DOCK3: variants seen among roughly 807,000 people sequenced by gnomAD.
DOCK3 encodes dedicator of cytokinesis 3, also known as dedicator of cytokinesis protein 3.
DOCK3 carries 60 observed loss-of-function variants against 265.6 expected under a neutral mutation model. The observed-to-expected ratio is 0.23, with a 90% CI of 0.18 to 0.28. The LOEUF (loss-of-function observed/expected upper bound fraction) is 0.28. DOCK3 is among the 10% of genes least tolerant of loss of function. DOCK3 has a pLI of 1.00. For synonymous variants in DOCK3, 881 were observed against 938.0 expected, an observed-to-expected ratio of 0.94 and a Z score of 1.11; for missense variants, 1,981 against 2,594.3, an observed-to-expected ratio of 0.76 and a Z score of 5.14.
At chr3:51,296,458 A>G (rs2082082617) in intron 27 of DOCK3, among the ~76,000 whole-genome samples, 1 of 152,120 alleles carries the variant, frequency 6.6e-6, no homozygotes. Flanking sequence ...AGAGTCCAAA[A>G]ATAAACTCTT....
At chr3:51,182,488 C>T (rs2087357924) in intron 12 of DOCK3, among the ~76,000 whole-genome samples, 1 of 152,174 alleles carries the variant, frequency 6.6e-6, no homozygotes, top group Non-Finnish European at 1.5e-5. Context: ...CCAGAGAGGA[C>T]CTCCTGCCAT....
intron 5 of DOCK3, among the ~76,000 whole-genome samples, chr3:50,939,199 A>G (rs890818463): frequency 3.9e-5 from 6 of 152,148 alleles, no homozygotes; most frequent in Non-Finnish European, 8.8e-5. Context: ...CTAGAAAACC[A>G]TAAATTGTCA....
chr3:51,082,836 G>A (rs1322341701), intron 7 of DOCK3, among the ~76,000 whole-genome samples: 2 of 152,070 alleles, frequency 1.3e-5, no homozygotes, highest in East Asian at 3.9e-4. Context: ...TAGGTCTGTG[G>A]GTAGGCCCAC....
At chr3:51,244,065 A>G (rs2078722765) in intron 21 of DOCK3, among the ~76,000 whole-genome samples, 1 of 152,186 alleles carries the variant, frequency 6.6e-6, no homozygotes, top group Non-Finnish European at 1.5e-5. Context: ...ATTGTTTTAT[A>G]AATATGTCTT....
At chr3:51,334,231 C>T (rs1264841540) in intron 35 of DOCK3, among the ~76,000 whole-genome samples, 1 of 152,214 alleles carries the variant, frequency 6.6e-6, no homozygotes. Context: ...GAAGCCACAA[C>T]TGCAGCCTTA....
chr3:51,309,007 C>A (rs1304793310), intron 27 of DOCK3, among the ~76,000 whole-genome samples: 5 of 151,306 alleles, frequency 3.3e-5, no homozygotes, highest in Admixed American at 6.6e-5. Flanking sequence ...CAGAGGCGCT[C>A]CCCACATCTC....
At chr3:51,358,374 A>G (rs1464265226) in intron 46 of DOCK3, among the ~76,000 whole-genome samples, 1 of 152,160 alleles carries the variant, frequency 6.6e-6, no homozygotes, top group Non-Finnish European at 1.5e-5. Context: ...GAAGGAAGAG[A>G]GCTAACATAT....
At chr3:51,164,754 T>C (rs187699089) in intron 12 of DOCK3, among the ~76,000 whole-genome samples, 1 of 152,046 alleles carries the variant, frequency 6.6e-6, no homozygotes, top group East Asian at 1.9e-4. Context: ...AGAAATAAAC[T>C]TCTTTTAATT....
rs748598302 is a variant in DOCK3 at position 51,239,566 on chromosome 3, G to GT, written c.2102+1979dup. 3.4e-5 allele frequency among the ~76,000 whole-genome samples: 4 copies of GT among 118,896 alleles called. No individual in the cohort carries two copies. In the South Asian group the frequency reaches 9.5e-4, roughly 28 times the overall value. 78.0% of individuals were successfully genotyped at this position (118,896 alleles called of 152,430 possible). A position where few individuals can be genotyped will look rare whatever the true frequency, so the allele number is the denominator to read the frequency against. ...CTGTCTGGTCCTGGGTTTTTTTTTT[G>GT]TTTGTTTGTTTTTTGTTTTTTTTGT... On this transcript the variant is annotated intron_variant, in intron 21 of 52. Coordinates refer to ENST00000266037, the MANE Select transcript of DOCK3 (RefSeq NM_004947.5).
chr3:51,079,236 A>G (rs2082146766), intron 7 of DOCK3, among the ~76,000 whole-genome samples: 2 of 152,200 alleles, frequency 1.3e-5, no homozygotes, highest in South Asian at 4.1e-4. Context: ...TTTTAAATAA[A>G]AAATGAAGCC....
chr3:51,355,968 A>T, intron 41 of DOCK3, 121 bp from the exon 42 acceptor site: 2 of 1,267,386 alleles, frequency 1.6e-6, no homozygotes, highest in Non-Finnish European at 2.2e-6. Context: ...TGCCTCCCCT[A>T]CTGGGCTGTC....
At chr3:51,235,763 AAAC>A (rs1192591646) in intron 19 of DOCK3, among the ~76,000 whole-genome samples, 1 of 152,222 alleles carries the variant, frequency 6.6e-6, no homozygotes, top group Non-Finnish European at 1.5e-5. Flanking sequence ...GCACATGTTG[AAAC>A]AACAACAAAA....
chr3:51,318,410 A>G (rs898911033), intron 32 of DOCK3, among the ~76,000 whole-genome samples: 4 of 152,098 alleles, frequency 2.6e-5, no homozygotes, highest in African/African-American at 9.7e-5. Flanking sequence ...AATTGGGAAG[A>G]ATTATGTCTT....
At chr3:50,897,653 A>G (rs948472048) in intron 4 of DOCK3, among the ~76,000 whole-genome samples, 2 of 151,396 alleles carry the variant, frequency 1.3e-5, no homozygotes, top group South Asian at 2.1e-4. Flanking sequence ...GATACGTTCA[A>G]TCGGTATAGT....
chr3:51,123,027 A>G (rs2084101795), intron 9 of DOCK3, among the ~76,000 whole-genome samples: 2 of 152,186 alleles, frequency 1.3e-5, no homozygotes, highest in Non-Finnish European at 2.9e-5. Context: ...AACAGTCCCC[A>G]TGCTGTCATA....
intron 3 of DOCK3, among the ~76,000 whole-genome samples, chr3:50,857,060 C>T (rs916844935): frequency 6.6e-5 from 10 of 152,120 alleles, no homozygotes; most frequent in African/African-American, 1.9e-4. Flanking sequence ...TGATGCGCTG[C>T]TCGATTCAGT....
intron 12 of DOCK3, among the ~76,000 whole-genome samples, chr3:51,193,251 T>C (rs2088059417): frequency 6.6e-6 from 1 of 152,232 alleles, no homozygotes; most frequent in Non-Finnish European, 1.5e-5. Context: ...CATTTTTGAA[T>C]CCCTGGTATA....
At chr3:51,205,688 G>A (rs62257478) in intron 12 of DOCK3, among the ~76,000 whole-genome samples, 7,146 of 152,178 alleles carry the variant, frequency 0.047, 227 homozygotes, top group Non-Finnish European at 0.073. Context: ...GGGCGACAGT[G>A]AGACCCTGTA....
At chr3:50,793,566 C>G (rs2042608722) in intron 2 of DOCK3, among the ~76,000 whole-genome samples, 1 of 152,084 alleles carries the variant, frequency 6.6e-6, no homozygotes, top group Admixed American at 6.5e-5. Flanking sequence ...CCTTGTTGGT[C>G]AGGCTGGTCT....
Sources: allele counts gnomAD v4.1 joint callset (sites outside exome capture counted in the v4.1 genomes callset), GRCh38; gene constraint gnomAD v4.1.1; transcripts MANE v1.5; gene names NCBI Gene and HGNC (gene_info 2026-07-23, HGNC 2026-07-21).